Variants in GPA33 observed in about 807,000 individuals in gnomAD.
GPA33 encodes the protein glycoprotein A33.
A neutral mutation model predicts 35.6 loss-of-function variants in GPA33; 27 were observed. That is an observed-to-expected ratio of 0.76 (90% confidence interval 0.56 to 1.04). GPA33 has a LOEUF of 1.04. GPA33 is among the 50% of genes least tolerant of loss of function. The probability of loss-of-function intolerance (pLI) is 0.00; values close to 1 mark genes in which losing one functional copy is unlikely to be tolerated. For missense variants in GPA33, 428 were observed against 411.9 expected (o/e 1.04, Z -0.34); for synonymous variants, 176 against 164.0 (o/e 1.07, Z -0.56).
intron 1 of GPA33, among the ~76,000 whole-genome samples, chr1:167,074,868 C>T (rs969665575): frequency 1.1e-4 from 17 of 151,146 alleles, no homozygotes; most frequent in African/African-American, 4.1e-4. Flanking sequence ...GTGAAAATGC[C>T]CTGGAGAGAT....
chr1:167,076,932 G>A (rs1368684143), intron 1 of GPA33, among the ~76,000 whole-genome samples: 8 of 152,144 alleles, frequency 5.3e-5, no homozygotes, highest in African/African-American at 1.2e-4. Flanking sequence ...CTGGCAGGGC[G>A]CAGTGGCTCG....
intron 5 of GPA33, among the ~76,000 whole-genome samples, chr1:167,055,497 C>A (rs1666223157): frequency 6.6e-6 from 1 of 152,148 alleles, no homozygotes; most frequent in Non-Finnish European, 1.5e-5. Context: ...GCCTCTGAGT[C>A]CTAGAAGTCA....
intron 1 of GPA33, among the ~76,000 whole-genome samples, chr1:167,077,797 T>C (rs1021875258): frequency 7.2e-5 from 11 of 152,250 alleles, no homozygotes; most frequent in Non-Finnish European, 1.5e-4. Flanking sequence ...TTATTTTAAT[T>C]ACATCTCAAT....
chr1:167,070,288 T>C (rs111263357), intron 2 of GPA33, among the ~76,000 whole-genome samples: 57 of 152,214 alleles, frequency 3.7e-4, no homozygotes, highest in African/African-American at 1.3e-3. Context: ...AGGGTGAGCT[T>C]GGGCAGGTAG....
intron 3 of GPA33, 33 bp downstream of exon 3, chr1:167,068,889 C>T: frequency 6.4e-7 from 1 of 1,562,286 alleles, no homozygotes; most frequent in South Asian, 1.1e-5. Context: ...CCACCCTCTT[C>T]CTACAACTCC....
intron 1 of GPA33, among the ~76,000 whole-genome samples, chr1:167,088,315 C>T (rs534916086): frequency 2.6e-5 from 4 of 152,280 alleles, no homozygotes; most frequent in South Asian, 2.1e-4. Context: ...TGCTTTTGGT[C>T]GACCTTTGAA....
chr1:167,055,598 C>T, intron 5 of GPA33, 132 bp downstream of exon 5: 1 of 971,454 alleles, frequency 1.0e-6, no homozygotes, highest in South Asian at 1.5e-5. Flanking sequence ...TAGGTCACCA[C>T]AGCTAACCTG....
intron 4 of GPA33, among the ~76,000 whole-genome samples, chr1:167,056,419 T>C (rs1046817811): frequency 1.7e-4 from 25 of 151,342 alleles, no homozygotes; most frequent in African/African-American, 5.3e-4. Flanking sequence ...GTGTGTGGGG[T>C]GTATGTGTGT....
chr1:167,080,015 TAG>T (rs1290585956), intron 1 of GPA33, among the ~76,000 whole-genome samples: 1 of 152,210 alleles, frequency 6.6e-6, no homozygotes, highest in East Asian at 1.9e-4. Flanking sequence ...AGCTCATTTT[TAG>T]AGTCTTCCAG....
At chr1:167,081,576 A>G (rs1271561678) in intron 1 of GPA33, among the ~76,000 whole-genome samples, 1 of 152,230 alleles carries the variant, frequency 6.6e-6, no homozygotes, top group Non-Finnish European at 1.5e-5. Flanking sequence ...GATCAATCCA[A>G]TAAAATTCTA....
chr1:167,084,621 T>A (rs1409810517), intron 1 of GPA33, among the ~76,000 whole-genome samples: 1 of 152,174 alleles, frequency 6.6e-6, no homozygotes, highest in Admixed American at 6.5e-5. Flanking sequence ...AATCCAGCCA[T>A]CATGTTATGA....
intron 4 of GPA33, among the ~76,000 whole-genome samples, chr1:167,056,666 A>G (rs571590218): frequency 1.4e-3 from 2 of 1,428 alleles, no homozygotes; most frequent in African/African-American, 3.2e-3. Flanking sequence ...TGGTACGGTG[A>G]GTGTGTGATG....
At chr1:167,063,797 C>A in intron 3 of GPA33, 60 bp from the exon 4 acceptor site, 2 of 1,258,604 alleles carry the variant, frequency 1.6e-6, no homozygotes, top group Non-Finnish European at 1.1e-6. Context: ...TGACAGCCAC[C>A]CACCCCTCCC....
At chr1:167,080,679 G>T (rs1428434387) in intron 1 of GPA33, among the ~76,000 whole-genome samples, 1 of 152,208 alleles carries the variant, frequency 6.6e-6, no homozygotes, top group South Asian at 2.1e-4. Flanking sequence ...CAGGTTGTGA[G>T]AGGGTTGAAT....
intron 6 of GPA33, 25 bp from the exon 7 acceptor site, chr1:167,054,491 G>A (rs1163081560): frequency 6.2e-7 from 1 of 1,613,912 alleles, no homozygotes. Flanking sequence ...GGGACAGAGG[G>A]GAAGGATTTG....
At chr1:167,063,443 TA>T (rs1163753652) in intron 4 of GPA33, 138 bp downstream of exon 4, 3 of 672,650 alleles carry the variant, frequency 4.5e-6, no homozygotes, top group East Asian at 2.7e-5. Flanking sequence ...GAGGTGGGGA[TA>T]GGGGGATAGG....
At chr1:167,078,094 C>T (rs552916931) in intron 1 of GPA33, among the ~76,000 whole-genome samples, 4 of 152,304 alleles carry the variant, frequency 2.6e-5, no homozygotes, top group Admixed American at 2.0e-4. Flanking sequence ...ATGGTGTTTT[C>T]CTTGGCTGTC....
At chr1:167,082,534 C>T (rs973047856) in intron 1 of GPA33, among the ~76,000 whole-genome samples, 20 of 152,078 alleles carry the variant, frequency 1.3e-4, no homozygotes, top group Admixed American at 1.0e-3. Context: ...GAAGGTGCTG[C>T]CAGCAAGGAA....
At chr1:167,074,759 G>C (rs1666786564) in intron 1 of GPA33, among the ~76,000 whole-genome samples, 1 of 151,692 alleles carries the variant, frequency 6.6e-6, no homozygotes, top group Non-Finnish European at 1.5e-5. Flanking sequence ...TGAGTGAGGA[G>C]GAGAGATGAA....
Sources: gnomAD v4.1 joint callset for allele counts (sites outside exome capture counted in the v4.1 genomes callset) on GRCh38, gnomAD v4.1.1 for gene constraint, MANE v1.5 for transcripts, NCBI Gene and HGNC (gene_info 2026-07-23, HGNC 2026-07-21) for gene names.